MDGA2: variants seen among roughly 807,000 people sequenced by gnomAD.
MDGA2 encodes MAM domain containing glycosylphosphatidylinositol anchor 2.
Under a neutral mutation model 117.8 loss-of-function variants are expected in MDGA2, and 40 were observed. That is an observed-to-expected ratio of 0.34 (90% CI 0.26 to 0.44). The LOEUF (loss-of-function observed/expected upper bound fraction) is 0.44, where lower values mean the gene tolerates loss of function less well. Ranked by LOEUF, MDGA2 falls within the 20% of genes least tolerant of loss-of-function variation. MDGA2 has a pLI of 1.00. For missense variants in MDGA2, 1,123 were observed against 1,250.6 expected (o/e 0.90, Z 1.54); for synonymous variants, 452 against 439.0 (o/e 1.03, Z -0.37).
chr14:46,983,196 T>A (rs955578696), intron 8 of MDGA2, among the ~76,000 whole-genome samples: 13 of 152,146 alleles, frequency 8.5e-5, no homozygotes, highest in African/African-American at 2.7e-4. Context: ...ATATTCTAAA[T>A]TACATTGTAT....
intron 1 of MDGA2, among the ~76,000 whole-genome samples, chr14:47,478,892 T>C (rs1333736757): frequency 6.6e-6 from 1 of 152,170 alleles, no homozygotes; most frequent in African/African-American, 2.4e-5. Flanking sequence ...GCCTTTGAAA[T>C]GATAAGTAGT....
chr14:46,943,827 G>A (rs749229132), intron 9 of MDGA2, among the ~76,000 whole-genome samples: 1 of 152,032 alleles, frequency 6.6e-6, no homozygotes, highest in Non-Finnish European at 1.5e-5. Flanking sequence ...TTCTTGGCTT[G>A]AGCCATATGG....
intron 10 of MDGA2, among the ~76,000 whole-genome samples, chr14:46,906,977 T>A (rs905831920): frequency 1.3e-5 from 1 of 76,144 alleles, no homozygotes; most frequent in African/African-American, 3.7e-5. Flanking sequence ...TTTTTCTTTT[T>A]TTTTTTTTTT....
intron 1 of MDGA2, among the ~76,000 whole-genome samples, chr14:47,449,052 C>T (rs1241012310): frequency 6.6e-6 from 1 of 152,086 alleles, no homozygotes; most frequent in Non-Finnish European, 1.5e-5. Flanking sequence ...TCTTTCCAGA[C>T]GAATCTTAAC....
intron 3 of MDGA2, among the ~76,000 whole-genome samples, chr14:47,195,986 G>A (rs764945013): frequency 2.0e-5 from 3 of 151,862 alleles, no homozygotes; most frequent in Non-Finnish European, 4.4e-5. Context: ...CTTAGTCCAG[G>A]CATTTAGTCA....
intron 1 of MDGA2, among the ~76,000 whole-genome samples, chr14:47,419,543 T>C (rs1197671810): frequency 6.6e-6 from 1 of 152,106 alleles, no homozygotes; most frequent in Non-Finnish European, 1.5e-5. Flanking sequence ...TTATTATGTT[T>C]AGTACTCTTG....
At chr14:47,452,179 C>T (rs1193060956) in intron 1 of MDGA2, among the ~76,000 whole-genome samples, 1 of 151,972 alleles carries the variant, frequency 6.6e-6, no homozygotes, top group Admixed American at 6.6e-5. Context: ...TCTCAGTGCC[C>T]TCCCCCACCA....
chr14:47,313,200 A>G (rs760662788), intron 1 of MDGA2, among the ~76,000 whole-genome samples: 81 of 152,080 alleles, frequency 5.3e-4, no homozygotes, highest in Admixed American at 2.1e-3. Context: ...CAAACCAAAT[A>G]AGCTATTTAG....
chr14:47,280,257 T>C (rs753569376), intron 2 of MDGA2, among the ~76,000 whole-genome samples: 4 of 126,794 alleles, frequency 3.2e-5, no homozygotes, highest in Non-Finnish European at 6.2e-5. Flanking sequence ...GAGGTTGCGG[T>C]GCGCCGAGAT....
intron 9 of MDGA2, among the ~76,000 whole-genome samples, chr14:46,939,746 G>T (rs1183640502): frequency 6.6e-6 from 1 of 152,048 alleles, no homozygotes; most frequent in Non-Finnish European, 1.5e-5. Context: ...TTATCATTTT[G>T]TCCTTTCACA....
chr14:47,246,081 A>G (rs1240079637), intron 2 of MDGA2, among the ~76,000 whole-genome samples: 1 of 151,816 alleles, frequency 6.6e-6, no homozygotes, highest in Non-Finnish European at 1.5e-5. Context: ...CACTTCCTAC[A>G]CTATGCTGCC....
Position 47,333,943 on chromosome 14 carries a change from A to G in MDGA2, c.281-32393T>C, listed in dbSNP as rs1020525412. 4.0e-5 allele frequency among the ~76,000 whole-genome samples: 6 copies of G among 151,790 alleles called. No homozygotes were observed. The Admixed American group carries it at 4.0e-4, about 10-fold the overall frequency. ...CAATAATATTTCTGGATCCCTATAT[A>G]TTGTAAATATGGTTCAGATATTTCC... On this transcript the variant is annotated intron_variant, in intron 1 of 16. Coordinates refer to ENST00000399232, the MANE Select transcript of MDGA2 (RefSeq NM_001113498.3).
intron 1 of MDGA2, among the ~76,000 whole-genome samples, chr14:47,462,268 C>T (rs1284862058): frequency 3.0e-5 from 4 of 133,674 alleles, no homozygotes; most frequent in Middle Eastern, 3.6e-3. Flanking sequence ...CCCAGGGACT[C>T]GGGAGGCTGA....
At chr14:46,920,447 G>A (rs868844532) in intron 9 of MDGA2, among the ~76,000 whole-genome samples, 13 of 152,166 alleles carry the variant, frequency 8.5e-5, no homozygotes, top group South Asian at 2.1e-4. Context: ...TCTGGAGAAA[G>A]AAGATCAAAG....
intron 10 of MDGA2, among the ~76,000 whole-genome samples, chr14:46,893,382 C>A (rs962930252): frequency 2.6e-5 from 4 of 151,762 alleles, no homozygotes; most frequent in African/African-American, 9.7e-5. Flanking sequence ...AGATGGAGGC[C>A]AAAGGGTACA....
intron 3 of MDGA2, among the ~76,000 whole-genome samples, chr14:47,157,376 A>G (rs1252523543): frequency 6.6e-6 from 1 of 152,144 alleles, no homozygotes; most frequent in Non-Finnish European, 1.5e-5. Flanking sequence ...CATCTTCAAT[A>G]AGTTTTTTAA....
chr14:47,596,653 C>T (rs779714994), intron 1 of MDGA2, among the ~76,000 whole-genome samples: 2 of 152,176 alleles, frequency 1.3e-5, no homozygotes, highest in Non-Finnish European at 2.9e-5. Context: ...TGTTTTCCTT[C>T]TATCCTCATA....
chr14:47,351,627 C>T (rs10149191), intron 1 of MDGA2, among the ~76,000 whole-genome samples: 50,693 of 151,698 alleles, frequency 0.33, 9,160 homozygotes, highest in Admixed American at 0.52. Context: ...TATCCATTGC[C>T]CCACCTTATT....
At chr14:47,544,740 A>C (rs944406644) in intron 1 of MDGA2, among the ~76,000 whole-genome samples, 5 of 152,134 alleles carry the variant, frequency 3.3e-5, no homozygotes, top group Non-Finnish European at 5.9e-5. Context: ...AGCCAATCAC[A>C]TTGTTTCTCC....
Sources: allele counts gnomAD v4.1 joint callset (sites outside exome capture counted in the v4.1 genomes callset), GRCh38; gene constraint gnomAD v4.1.1; transcripts MANE v1.5; gene names NCBI Gene and HGNC (gene_info 2026-07-23, HGNC 2026-07-21).